Variants in GLB1L observed in about 807,000 individuals in gnomAD.
The protein encoded by GLB1L is beta-galactosidase-1-like protein.
Under a neutral mutation model 75.7 loss-of-function variants are expected in GLB1L, and 58 were observed. That is an observed-to-expected ratio of 0.77 (90% confidence interval 0.62 to 0.95). The LOEUF (loss-of-function observed/expected upper bound fraction) is 0.95. Ranked by LOEUF, GLB1L falls within the 40% of genes least tolerant of loss-of-function variation. The pLI, the probability that GLB1L is intolerant of heterozygous loss-of-function variation, is 0.00. For synonymous variants in GLB1L, 296 were observed against 303.0 expected (o/e 0.98, Z 0.24); for missense variants, 797 against 805.5 (o/e 0.99, Z 0.13).
In GLB1L at chr2:219,242,909, G is replaced by A; in HGVS notation, c.249C>T (p.Pro83=). ...SGLNAIQFYV[P]WNYHEPQPGV... The stretch of plus-strand genomic sequence containing the variant: ...CAGGCTGTGGCTCGTGGTAGTTCCA[G>A]GGCACATAACTGAGAAAGGAAGAGG... The change falls in exon 4 of 17, where the codon CCC becomes CCT. Residue 83 remains proline, a synonymous_variant. Coordinates refer to ENST00000295759, the MANE Select transcript of GLB1L (RefSeq NM_001286423.2). 2 of 1,614,188 alleles carry A rather than the reference G, an allele frequency of 1.2e-6. No homozygotes were observed. Among genetic ancestry groups the A allele is most frequent in the South Asian group, 1.1e-5 (1 of 91,084 alleles).
rs780736846 is a variant in GLB1L, at chr2:219,240,218, G to A, written c.519C>T (p.His173=). Residue 173 remains histidine (H), a synonymous_variant, in exon 6 of 17, where the codon CAC becomes CAT. Coordinates refer to ENST00000295759, the MANE Select transcript of GLB1L (RefSeq NM_001286423.2). ...GAATGCTAATGATGTTGCCCCCATTGTGATAAAGCCATGGATATATCTTGG... is the reference window on the plus strand; with the variant it reads ...GAATGCTAATGATGTTGCCCCCATTATGATAAAGCCATGGATATATCTTGG... The part of the protein sequence containing the change: ...LLPKIYPWLY[H]NGGNIISIQV... 9.3e-6 allele frequency: 15 copies of A among 1,614,064 alleles called. No homozygotes were observed. The highest frequency in any genetic ancestry group is 1.2e-5 in the Non-Finnish European group (14 of 1,180,018).
At position 219,237,686 on chromosome 2, in the gene GLB1L, G is replaced by T; in HGVS notation, c.1515C>A (p.Thr505=). 6.2e-7 allele frequency: 1 copy of T among 1,614,162 alleles called. No homozygotes were observed. The highest frequency in any genetic ancestry group is 1.1e-5 in the South Asian group (1 of 91,082). The change falls in exon 16 of 17, where the codon ACC becomes ACA. Residue 505 remains threonine, a synonymous_variant. Transcript: ENST00000295759. ...KPPILGQTIL[T]QWMMFPLKID... is the part of the protein sequence containing the mutation. ...TTTTCAGAGGGAACATCATCCACTG[G>T]GTAAGGATTGTTTGCCCCAGAATTG... is the stretch of plus-strand genomic sequence containing the variant.
chr2:219,243,139 A>C lies in GLB1L; in HGVS notation c.239+9T>G, dbSNP rs1348699831. ...CCATCCCTCCGCGGCTCTTGCGAGC[A>C]CTTCTTACAACTGTATGGCGTTGAG... On this transcript the variant is annotated intron_variant, in intron 3 of 16. Coordinates refer to ENST00000295759, the MANE Select transcript of GLB1L (RefSeq NM_001286423.2). The C allele has an allele frequency of 6.3e-7, 1 of 1,586,490 alleles. No individual in the cohort carries two copies. Among genetic ancestry groups the C allele is most frequent in the African/African-American group, 1.4e-5 (1 of 73,706 alleles).
At chr2:219,243,363 G>T in intron 2 of GLB1L, 49 bp from the exon 3 acceptor site, 1 of 1,589,750 alleles carries the variant, frequency 6.3e-7, no homozygotes, top group Non-Finnish European at 8.6e-7. Context: ...AGGGAGCGTC[G>T]AGGGTCAGCG....
intron 10 of GLB1L, 91 bp from the exon 11 acceptor site, chr2:219,239,301 G>T: frequency 4.5e-6 from 6 of 1,320,488 alleles, no homozygotes; most frequent in Non-Finnish European, 6.3e-6. Flanking sequence ...TGCCATCAGA[G>T]GGGGCAGAGG....
intron 12 of GLB1L, 35 bp from the exon 13 acceptor site, chr2:219,238,619 G>A: frequency 1.2e-6 from 2 of 1,601,136 alleles, no homozygotes; most frequent in East Asian, 4.5e-5. Flanking sequence ...AGAATATCAG[G>A]GAAGTTTCTG....
chr2:219,242,602 A>T, intron 4 of GLB1L, 28 bp from the exon 5 acceptor site: 2 of 1,605,554 alleles, frequency 1.2e-6, no homozygotes, highest in Non-Finnish European at 1.7e-6. Context: ...AGAACAAAGA[A>T]GCATGTAGGT....
chr2:219,243,439 C>T (rs1951447259), intron 2 of GLB1L, 63 bp downstream of exon 2: 2 of 1,604,892 alleles, frequency 1.2e-6, no homozygotes, highest in East Asian at 4.5e-5. Context: ...TGGACTTTCT[C>T]TCATCCGCTG....
chr2:219,241,434 GTGTGTGTGTATATATATA>G (rs1195075602), intron 5 of GLB1L, among the ~76,000 whole-genome samples: 4 of 82,978 alleles, frequency 4.8e-5, no homozygotes, highest in Admixed American at 1.6e-4. Context: ...GTGTGTGTGT[GTGTGTGTGTATATATATA>G]TATATATATA....
In GLB1L at chr2:219,239,406, C is replaced by T. The variant is rs1358394294; in HGVS notation, c.943+5G>A. On this transcript the variant is annotated splice_donor_5th_base_variant and intron_variant, in intron 10 of 16. Coordinates refer to ENST00000295759, the MANE Select transcript of GLB1L (RefSeq NM_001286423.2). ...GCTTCTATCCCAGGGACCATCTGGA[C>T]TCACCATTCCAATATCCAAAGTTGG... The T allele has an allele frequency of 1.9e-6, 3 of 1,594,960 alleles. No individual in the cohort carries two copies. The highest frequency in any genetic ancestry group is 3.4e-5 in the Admixed American group (2 of 58,746).
rs1273078163 is a variant in GLB1L, at chr2:219,243,195, G to T, written c.192C>A (p.Ala64=). The change falls in exon 3 of 17, where the codon GCC becomes GCA. Residue 64 remains alanine (A), a synonymous_variant. Transcript: ENST00000295759. ...TCCATCGCATCTTCAAAAGCCGGTC[G>T]GCCCAAAGCACCCGCGGTACCCGAA... The part of the protein sequence containing the change: ...HYFRVPRVLW[A]DRLLKMRWSG... 1.9e-6 allele frequency: 3 copies of T among 1,613,714 alleles called. No homozygotes were observed. Among genetic ancestry groups the T allele is most frequent in the Non-Finnish European group, 2.5e-6 (3 of 1,179,868 alleles).
At chr2:219,238,067 T>A in intron 14 of GLB1L, 110 bp from the exon 15 acceptor site, 1 of 1,172,012 alleles carries the variant, frequency 8.5e-7, no homozygotes. Context: ...AATGTAGCCA[T>A]CTATCACCCA....
In GLB1L at chr2:219,236,912, C is replaced by T; in HGVS notation, c.*160G>A. On this transcript the variant is annotated 3_prime_UTR_variant, in exon 17 of 17. Coordinates refer to ENST00000295759, the MANE Select transcript of GLB1L (RefSeq NM_001286423.2). ...TCCCAAGTAGCTGGGATTAGAGGTG[C>T]CCACCATCACGCCCGGCTAATTTTT... 1 of 567,020 alleles carries T rather than the reference C, an allele frequency of 1.8e-6. No homozygotes were observed. Among genetic ancestry groups the T allele is most frequent in the Non-Finnish European group, 3.1e-6 (1 of 320,024 alleles). The allele number at this position is 567,020 out of a possible 1,614,324, so 35.1% of individuals were successfully genotyped here.
At chr2:219,240,363 C>T in intron 5 of GLB1L, 78 bp from the exon 6 acceptor site, 2 of 1,179,602 alleles carry the variant, frequency 1.7e-6, no homozygotes, top group East Asian at 2.3e-5. Flanking sequence ...AGCAATGACT[C>T]TTGTCAAGAA....
intron 5 of GLB1L, among the ~76,000 whole-genome samples, chr2:219,240,646 A>G (rs1951363844): frequency 6.6e-6 from 1 of 152,208 alleles, no homozygotes; most frequent in South Asian, 2.1e-4. Context: ...CAGGAGGCTG[A>G]GACAGGAGAA....
At chr2:219,242,307 C>G (rs1033972467) in intron 5 of GLB1L, among the ~76,000 whole-genome samples, 2 of 148,260 alleles carry the variant, frequency 1.3e-5, no homozygotes, top group African/African-American at 5.0e-5. Context: ...TTTTTTTAAT[C>G]AGTTTCTTCC....
chr2:219,236,988 A>G lies in GLB1L; in HGVS notation c.*84T>C, dbSNP rs1475701925. On this transcript the variant is annotated 3_prime_UTR_variant, in exon 17 of 17. Transcript: ENST00000295759. The stretch of plus-strand genomic sequence containing the variant: ...ACCATGTTGGCCAGGCTGGTCTTGA[A>G]GTCCTGACCTCAGGTAATCCACCCG... The G allele has an allele frequency of 7.1e-6, 7 of 988,178 alleles. No homozygotes were observed. In the Admixed American group the frequency reaches 1.5e-4, roughly 21 times the overall value. 61.2% of individuals were successfully genotyped at this position (988,178 alleles called of 1,614,324 possible).
chr2:219,238,065 C>T (rs1219681208), intron 14 of GLB1L, 108 bp from the exon 15 acceptor site: 3 of 1,171,346 alleles, frequency 2.6e-6, no homozygotes, highest in African/African-American at 3.1e-5. Context: ...AGAATGTAGC[C>T]ATCTATCACC....
In GLB1L at chr2:219,237,576, G is replaced by A; in HGVS notation, c.1625C>T (p.Ser542Phe). 3.1e-6 allele frequency: 5 copies of A among 1,614,150 alleles called. No individual in the cohort carries two copies. The highest frequency in any genetic ancestry group is 4.2e-6 in the Non-Finnish European group (5 of 1,180,020). Residue 542 changes from serine (S) to phenylalanine (F), a missense_variant, in exon 16 of 17, where the codon TCC becomes TTC. Ser to Phe is a radical substitution (Grantham distance 155). Transcript: ENST00000295759. ...PQAPSGPTFY[S>F]KTFPILGSVG... is the part of the protein sequence containing the mutation. ...TGAGCCTAAAATTGGAAATGTTTTGGAGTAGAATGTGGGGCCAGAAGGAGC... is the reference window on the plus strand; with the variant it reads ...TGAGCCTAAAATTGGAAATGTTTTGAAGTAGAATGTGGGGCCAGAAGGAGC...
Sources: allele counts gnomAD v4.1 joint callset (sites outside exome capture counted in the v4.1 genomes callset), GRCh38; gene constraint gnomAD v4.1.1; transcripts MANE v1.5; gene names NCBI Gene and HGNC (gene_info 2026-07-23, HGNC 2026-07-21).